CTNNA1: variants seen among roughly 807,000 people sequenced by gnomAD.
CTNNA1 encodes the protein catenin alpha 1.
In CTNNA1, 37 loss-of-function variants were observed where a neutral mutation model predicts 98.4. The ratio of observed to expected loss-of-function variants is 0.38; its 90% CI spans 0.29 to 0.49. The LOEUF is 0.49. Among genes scored for constraint, CTNNA1 ranks in the 20% least tolerant of loss-of-function variants. The pLI is 0.95. For missense variants in CTNNA1, 761 were observed against 1,147.2 expected, an observed-to-expected ratio of 0.66 and a Z score of 4.86; for synonymous variants, 404 against 413.2, an observed-to-expected ratio of 0.98 and a Z score of 0.27.
At chr5:138,765,198 G>A (rs1242286424) in intron 1 of CTNNA1, among the ~76,000 whole-genome samples, 1 of 151,966 alleles carries the variant, frequency 6.6e-6, no homozygotes, top group South Asian at 2.1e-4. Flanking sequence ...CCACCACCAC[G>A]CCCAGCTAAT....
chr5:138,840,237 G>A (rs1561581007), intron 7 of CTNNA1, among the ~76,000 whole-genome samples: 1 of 152,202 alleles, frequency 6.6e-6, no homozygotes, highest in South Asian at 2.1e-4. Context: ...CAAGGGACAT[G>A]CCTTCTGTGA....
At chr5:138,811,748 T>C (rs544422348) in intron 4 of CTNNA1, among the ~76,000 whole-genome samples, 2 of 152,048 alleles carry the variant, frequency 1.3e-5, no homozygotes, top group South Asian at 2.1e-4. Context: ...AAACCCCGTC[T>C]CCACCAAAAA....
At chr5:138,758,382 TTTG>T (rs1004170874) in intron 1 of CTNNA1, among the ~76,000 whole-genome samples, 16 of 146,638 alleles carry the variant, frequency 1.1e-4, no homozygotes, top group African/African-American at 1.5e-4. Flanking sequence ...TTTTTGTTTG[TTTG>T]TTGTTGTTGT....
chr5:138,784,905 A>G (rs1270254666), intron 3 of CTNNA1, among the ~76,000 whole-genome samples: 1 of 152,126 alleles, frequency 6.6e-6, no homozygotes, highest in East Asian at 1.9e-4. Context: ...CAACCATTGA[A>G]TTAGGGCCCA....
chr5:138,785,353 G>A (rs1200868960), intron 3 of CTNNA1, among the ~76,000 whole-genome samples: 7 of 151,912 alleles, frequency 4.6e-5, no homozygotes, highest in Non-Finnish European at 7.4e-5. Flanking sequence ...GAGCCATCGC[G>A]CCCGGCCTAA....
intron 3 of CTNNA1, among the ~76,000 whole-genome samples, chr5:138,808,872 T>C (rs1231978731): frequency 6.6e-6 from 1 of 152,124 alleles, no homozygotes; most frequent in Non-Finnish European, 1.5e-5. Flanking sequence ...ACTGGCCCTT[T>C]AGTTGCTTCT....
chr5:138,774,874 G>T (rs1297782255), intron 1 of CTNNA1, among the ~76,000 whole-genome samples: 1 of 152,146 alleles, frequency 6.6e-6, no homozygotes, highest in African/African-American at 2.4e-5. Context: ...CTCCCAAAGT[G>T]CTGGGATTAC....
At chr5:138,893,402 G>T (rs1581530426) in intron 9 of CTNNA1, among the ~76,000 whole-genome samples, 1 of 151,880 alleles carries the variant, frequency 6.6e-6, no homozygotes, top group Non-Finnish European at 1.5e-5. Flanking sequence ...TGGGTGTTTG[G>T]CTCTTATGTA....
intron 1 of CTNNA1, among the ~76,000 whole-genome samples, chr5:138,776,490 G>A (rs957485226): frequency 1.3e-4 from 20 of 152,268 alleles, no homozygotes; most frequent in African/African-American, 3.1e-4. Flanking sequence ...TCCTTTGCCC[G>A]CCTTTCCCCC....
chr5:138,846,219 T>C (rs532671010), intron 7 of CTNNA1, among the ~76,000 whole-genome samples: 1 of 152,356 alleles, frequency 6.6e-6, no homozygotes, highest in East Asian at 1.9e-4. Context: ...CTCAAAGTGC[T>C]GGGATTACAG....
At chr5:138,872,727 T>G in intron 7 of CTNNA1, 1 of 275,652 alleles carries the variant, frequency 3.6e-6, no homozygotes. Context: ...AGTGTAAAGG[T>G]TTACACACGA....
chr5:138,921,204 T>C (rs930196547), intron 11 of CTNNA1, among the ~76,000 whole-genome samples: 3 of 152,234 alleles, frequency 2.0e-5, no homozygotes, highest in Non-Finnish European at 4.4e-5. Flanking sequence ...TAAAGACTCT[T>C]TGAATTTCAC....
chr5:138,841,629 C>G (rs1411515083), intron 7 of CTNNA1, among the ~76,000 whole-genome samples: 1 of 77,958 alleles, frequency 1.3e-5, no homozygotes, highest in East Asian at 1.5e-3. Flanking sequence ...TGGTCATTCT[C>G]TCAAAACTGC....
At chr5:138,913,003 A>G (rs1343410852) in intron 10 of CTNNA1, among the ~76,000 whole-genome samples, 5 of 151,574 alleles carry the variant, frequency 3.3e-5, no homozygotes, top group African/African-American at 1.2e-4. Flanking sequence ...AGACATAAAT[A>G]TTGTGACTAA....
At chr5:138,834,393 A>C (rs1761574403) in intron 7 of CTNNA1, among the ~76,000 whole-genome samples, 1 of 152,088 alleles carries the variant, frequency 6.6e-6, no homozygotes, top group Admixed American at 6.6e-5. Context: ...TTTTCTTTTT[A>C]AAAATGTTGT....
chr5:138,836,444 C>T (rs1300051125), intron 7 of CTNNA1, among the ~76,000 whole-genome samples: 2 of 152,186 alleles, frequency 1.3e-5, no homozygotes, highest in Non-Finnish European at 2.9e-5. Context: ...CTTCATAACT[C>T]TGAGAAAGAC....
chr5:138,922,960 G>C (rs1305412655), intron 11 of CTNNA1, among the ~76,000 whole-genome samples: 2 of 150,822 alleles, frequency 1.3e-5, no homozygotes, highest in Admixed American at 6.6e-5. Context: ...GAAGTATCTA[G>C]ACAAAGGTTA....
intron 7 of CTNNA1, chr5:138,871,453 A>T (rs990379343): frequency 6.6e-6 from 1 of 152,230 alleles, no homozygotes; most frequent in East Asian, 1.9e-4. Flanking sequence ...AATACAAGAA[A>T]CTGAATACCT....
At chr5:138,928,940 G>GGA (rs1764710789) in intron 13 of CTNNA1, among the ~76,000 whole-genome samples, 1 of 145,284 alleles carries the variant, frequency 6.9e-6, no homozygotes, top group Non-Finnish European at 1.5e-5. Flanking sequence ...TGTCTCAAAG[G>GGA]AAAAAAAAAA....
Sources: allele counts gnomAD v4.1 joint callset (sites outside exome capture counted in the v4.1 genomes callset), GRCh38; gene constraint gnomAD v4.1.1; transcripts MANE v1.5; gene names NCBI Gene and HGNC (gene_info 2026-07-23, HGNC 2026-07-21).